ATRX: variants seen among roughly 807,000 people sequenced by gnomAD.
ATRX encodes chromatin remodeler ATRX.
In ATRX, 12 loss-of-function variants were observed where a neutral mutation model predicts 172.6. The ratio of observed to expected loss-of-function variants is 0.07; its 90% CI spans 0.04 to 0.11. ATRX has a LOEUF of 0.11. Among genes scored for constraint, ATRX ranks in the 10% least tolerant of loss-of-function variants. ATRX has a pLI of 1.00. For synonymous variants in ATRX, 674 were observed against 594.7 expected (o/e 1.13, Z -1.94); for missense variants, 1,368 against 1,767.4 (o/e 0.77, Z 4.05).
intron 9 of ATRX, 27 bp downstream of exon 9, chrX:77,681,493 A>C (rs1557136756): frequency 8.4e-7 from 1 of 1,189,726 alleles, no homozygotes; most frequent in Non-Finnish European, 1.1e-6. Context: ...AGTACAAATT[A>C]TGAATTTTTT....
rs1170232589 is a variant in ATRX, at chrX:77,651,217, CAAAAAAAAAAAAAAAA to C, written c.4557+881_4557+896del. On this transcript the variant is annotated intron_variant, in intron 15 of 34. Coordinates refer to ENST00000373344, the MANE Select transcript of ATRX (RefSeq NM_000489.6). ...GGGTGACAAGAGTGAAACTCCATCT[CAAAAAAAAAAAAAAAA>C]AAAAAAAAAAAAAAGATGAAACAAG... 8.5e-4 allele frequency among the ~76,000 whole-genome samples: 14 copies of C among 16,482 alleles called. 1 individual carries two copies. Among genetic ancestry groups the C allele is most frequent in the South Asian group, 0.01 (1 of 96 alleles). 14.3% of individuals were successfully genotyped at this position (16,482 alleles called of 115,157 possible).
intron 22 of ATRX, among the ~76,000 whole-genome samples, chrX:77,610,630 C>CT (rs2067114140): frequency 9.0e-6 from 1 of 111,150 alleles, no homozygotes; most frequent in African/African-American, 3.3e-5. Flanking sequence ...GTGGCATTAT[C>CT]TTTTTGATCA....
At chrX:77,681,068 A>T (rs2071159682) in intron 9 of ATRX, among the ~76,000 whole-genome samples, 1 of 111,475 alleles carries the variant, frequency 9.0e-6, no homozygotes, top group Non-Finnish European at 1.9e-5. Flanking sequence ...ATTAAAAATA[A>T]TTAAAGGGGA....
intron 1 of ATRX, among the ~76,000 whole-genome samples, chrX:77,745,050 T>C (rs893961609): frequency 4.7e-5 from 5 of 107,447 alleles, no homozygotes; most frequent in African/African-American, 6.8e-5. Context: ...TATGCGCCTA[T>C]AGTCCCAGCT....
intron 28 of ATRX, among the ~76,000 whole-genome samples, chrX:77,571,395 C>T (rs1283630833): frequency 8.9e-6 from 1 of 112,030 alleles, no homozygotes; most frequent in Non-Finnish European, 1.9e-5. Flanking sequence ...ACTATTGATA[C>T]ATGTGACAAC....
intron 22 of ATRX, among the ~76,000 whole-genome samples, chrX:77,608,502 C>T (rs1557092207): frequency 9.0e-6 from 1 of 111,462 alleles, no homozygotes; most frequent in East Asian, 2.8e-4. Flanking sequence ...ATAGTCTCTT[C>T]AGTAAGTGGT....
At chrX:77,692,300 A>G (rs1383921226) in intron 6 of ATRX, among the ~76,000 whole-genome samples, 1 of 111,361 alleles carries the variant, frequency 9.0e-6, no homozygotes, top group Admixed American at 9.6e-5. Context: ...TAAGACTACT[A>G]CCTTAGCTTT....
chrX:77,521,632 T>C, intron 32 of ATRX, 134 bp from the exon 33 acceptor site: 1 of 474,685 alleles, frequency 2.1e-6, no homozygotes, highest in South Asian at 3.0e-5. Flanking sequence ...AACAGCAAAA[T>C]TCAGTATCAA....
rs2071420217 is a variant in ATRX at position 77,684,141 on chromosome X, T to G, written c.1115A>C (p.Lys372Thr). 1.7e-6 allele frequency: 2 copies of G among 1,207,965 alleles called. No individual in the cohort carries two copies. The highest frequency in any genetic ancestry group is 2.2e-6 in the Non-Finnish European group (2 of 893,468). Residue 372 changes from lysine (K) to threonine (T), a missense_variant, in exon 9 of 35, where the codon AAA becomes ACA. By Grantham distance (78) the Lys-to-Thr change is moderately conservative (BLOSUM62 -1). Coordinates refer to ENST00000373344, the MANE Select transcript of ATRX (RefSeq NM_000489.6). ...ATTATCTGTTGCCTGCTTTAAAAAT[T>G]TAACATAACTGGAGTTCATGTTGGC... ...TTANMNSSYV[K>T]FLKQATDNSE...
At position 77,599,483 on chromosome X, in the gene ATRX, A is replaced by T. The variant is rs398123426; in HGVS notation, c.5884T>A (p.Ser1962Thr). The change falls in exon 25 of 35, where the codon TCT (serine) becomes ACT (threonine). Residue 1962 changes from serine (S) to threonine (T), a missense_variant. Around this residue, in one of 17 missense-constraint regions of ATRX, gnomAD observed 45 missense variants for 120.2 expected, o/e 0.37. Transcript: ENST00000373344. ...VEVIKVWNSR[S>T]RGGGEGNVDE... ...ACATTTCCTTCACCACCTCCCCGAG[A>T]TCTTGAATTCCAGACCTTAATCACT... The T allele has an allele frequency of 1.2e-5, 15 of 1,210,800 alleles. No homozygotes were observed. The South Asian group carries it at 2.6e-4, about 21-fold the overall frequency.
At chrX:77,593,970 GA>G in intron 25 of ATRX, 121 bp from the exon 26 acceptor site, 1 of 635,006 alleles carries the variant, frequency 1.6e-6, no homozygotes, top group East Asian at 3.5e-5. Flanking sequence ...GGACTTGGGA[GA>G]GGGGAGGGAA....
chrX:77,751,737 T>C (rs561838440), intron 1 of ATRX, among the ~76,000 whole-genome samples: 48 of 112,403 alleles, frequency 4.3e-4, no homozygotes, highest in African/African-American at 1.5e-3. Flanking sequence ...TGCATATGGC[T>C]AGCCAGTTTT....
At chrX:77,658,296 C>T (rs2069663618) in intron 12 of ATRX, among the ~76,000 whole-genome samples, 1 of 112,290 alleles carries the variant, frequency 8.9e-6, no homozygotes, top group Non-Finnish European at 1.9e-5. Flanking sequence ...TGTCAAAATG[C>T]ATAATAATCT....
At chrX:77,527,009 T>G (rs1308542087) in intron 30 of ATRX, among the ~76,000 whole-genome samples, 1 of 112,705 alleles carries the variant, frequency 8.9e-6, no homozygotes, top group African/African-American at 3.2e-5. Context: ...TTAAAAAGTT[T>G]CAGATTTTTT....
chrX:77,658,279 G>A (rs193164493), intron 12 of ATRX, among the ~76,000 whole-genome samples: 141 of 112,032 alleles, frequency 1.3e-3, no homozygotes, highest in African/African-American at 4.4e-3. Flanking sequence ...TCACTTCTGT[G>A]GTATTCTGTC....
At chrX:77,722,043 T>A (rs1340164439) in intron 1 of ATRX, among the ~76,000 whole-genome samples, 1 of 111,549 alleles carries the variant, frequency 9.0e-6, no homozygotes, top group African/African-American at 3.3e-5. Flanking sequence ...CATCTGATCT[T>A]TGACAAACCT....
chrX:77,529,703 A>C, intron 30 of ATRX, among the ~76,000 whole-genome samples: 1 of 111,955 alleles, frequency 8.9e-6, no homozygotes, highest in Non-Finnish European at 1.9e-5. Flanking sequence ...ACTAAAAAAA[A>C]CACTGAAGTA....
chrX:77,675,168 T>C (rs781865227), intron 10 of ATRX: 1 of 112,085 alleles, frequency 8.9e-6, no homozygotes, highest in South Asian at 3.6e-4. Flanking sequence ...ATTACATGTA[T>C]ATTTTTATGT....
At chrX:77,651,857 T>C in intron 15 of ATRX, 1 of 350,264 alleles carries the variant, frequency 2.9e-6, no homozygotes, top group Non-Finnish European at 4.9e-6. Flanking sequence ...AGACTCCGTC[T>C]AAAAAAAAGA....
Sources: allele counts gnomAD v4.1 joint callset (sites outside exome capture counted in the v4.1 genomes callset), GRCh38; gene constraint gnomAD v4.1.1; regional missense constraint gnomAD v4.1.1; transcripts MANE v1.5; gene names NCBI Gene and HGNC (gene_info 2026-07-23, HGNC 2026-07-21).